CACNB2: variants seen among roughly 807,000 people sequenced by gnomAD.
The protein encoded by CACNB2 is voltage-dependent L-type calcium channel subunit beta-2.
In CACNB2, 42 loss-of-function variants were observed where a neutral mutation model predicts 73.3. The ratio of observed to expected loss-of-function variants is 0.57; its 90% CI spans 0.45 to 0.74. The LOEUF is 0.74. CACNB2 is among the 30% of genes least tolerant of loss of function. The pLI is 0.00. For missense variants in CACNB2, 940 were observed against 853.0 expected (o/e 1.10, Z -1.27); for synonymous variants, 348 against 310.3 (o/e 1.12, Z -1.28).
chr10:18,328,953 A>C (rs148741366), intron 2 of CACNB2, among the ~76,000 whole-genome samples: 1 of 152,270 alleles, frequency 6.6e-6, no homozygotes, highest in Non-Finnish European at 1.5e-5. Context: ...AATAGTTTTG[A>C]CTTTGCAGAC....
chr10:18,153,075 T>C (rs188010111), intron 2 of CACNB2, among the ~76,000 whole-genome samples: 8 of 152,370 alleles, frequency 5.3e-5, no homozygotes, highest in Non-Finnish European at 2.9e-5. Flanking sequence ...AATTTTCTTT[T>C]GTGTTCTTAG....
intron 10 of CACNB2, among the ~76,000 whole-genome samples, chr10:18,528,154 T>G (rs7922550): frequency 0.35 from 53,321 of 152,142 alleles, 9,831 homozygotes; most frequent in East Asian, 0.7. Context: ...TCCAGTTATA[T>G]ATCAATAATG....
intron 2 of CACNB2, among the ~76,000 whole-genome samples, chr10:18,347,344 ATTTT>A (rs201654242): frequency 8.3e-6 from 1 of 120,824 alleles, no homozygotes; most frequent in Admixed American, 8.8e-5. Context: ...TGCCCGTCTA[ATTTT>A]TTTTTTTTTT....
chr10:18,357,395 G>A (rs77473912), intron 2 of CACNB2, among the ~76,000 whole-genome samples: 1,833 of 152,242 alleles, frequency 0.012, 22 homozygotes, highest in South Asian at 0.046. Flanking sequence ...TTATTCTCTG[G>A]TAATGTGTAT....
At chr10:18,351,962 ACT>A (rs1202235845) in intron 2 of CACNB2, among the ~76,000 whole-genome samples, 1 of 152,084 alleles carries the variant, frequency 6.6e-6, no homozygotes, top group Non-Finnish European at 1.5e-5. Context: ...AATGTTCTAC[ACT>A]CCTGCTGCTC....
At chr10:18,514,086 T>C (rs947677973) in intron 6 of CACNB2, 150 bp from the exon 7 acceptor site, 8 of 710,810 alleles carry the variant, frequency 1.1e-5, no homozygotes, top group East Asian at 8.7e-5. Flanking sequence ...TTAATGTGCC[T>C]TACCTTTAAA....
At chr10:18,250,186 A>G (rs902039697) in intron 2 of CACNB2, among the ~76,000 whole-genome samples, 12 of 152,220 alleles carry the variant, frequency 7.9e-5, no homozygotes, top group Non-Finnish European at 1.5e-4. Flanking sequence ...TTTCCTCATT[A>G]GCTCTTGGCA....
chr10:18,455,476 T>C (rs1209807108), intron 3 of CACNB2, among the ~76,000 whole-genome samples: 1 of 151,752 alleles, frequency 6.6e-6, no homozygotes, highest in Non-Finnish European at 1.5e-5. Flanking sequence ...GCTATTGCTG[T>C]TGTTGGAGGT....
rs2042463304 is a variant in CACNB2, at chr10:18,368,903, A to G, written c.214-33021A>G. Among the ~76,000 whole-genome samples the G allele has an allele frequency of 1.3e-5, 2 of 152,338 alleles. 1 individual carries two copies. Among genetic ancestry groups the G allele is most frequent in the South Asian group, 4.1e-4 (2 of 4,832 alleles). ...AGCATGAGTCACTCTATTTAAAAAAAAAGAGAGAGAACCAGTCTGCACGTG... is the reference window on the plus strand; with the variant it reads ...AGCATGAGTCACTCTATTTAAAAAAGAAGAGAGAGAACCAGTCTGCACGTG... On this transcript the variant is annotated intron_variant, in intron 2 of 13. Transcript: ENST00000324631.
At chr10:18,532,733 A>C (rs11014696) in intron 10 of CACNB2, among the ~76,000 whole-genome samples, 7,054 of 151,100 alleles carry the variant, frequency 0.047, 261 homozygotes, top group Non-Finnish European at 0.076. Flanking sequence ...AAAACAAAAA[A>C]ACCCACATAT....
intron 2 of CACNB2, among the ~76,000 whole-genome samples, chr10:18,199,692 G>T (rs748139614): frequency 6.6e-6 from 1 of 152,114 alleles, no homozygotes; most frequent in African/African-American, 2.4e-5. Context: ...TTTGATTAGG[G>T]TAATCATCTG....
chr10:18,418,845 T>C (rs1004031159), intron 3 of CACNB2, among the ~76,000 whole-genome samples: 1 of 152,200 alleles, frequency 6.6e-6, no homozygotes, highest in Non-Finnish European at 1.5e-5. Flanking sequence ...CAACAGGAAG[T>C]AGGCAAAAAT....
chr10:18,311,377 G>A (rs1425792742), intron 2 of CACNB2, among the ~76,000 whole-genome samples: 1 of 152,098 alleles, frequency 6.6e-6, no homozygotes, highest in African/African-American at 2.4e-5. Flanking sequence ...TAGATAGGTA[G>A]GAGTATAGAC....
intron 2 of CACNB2, among the ~76,000 whole-genome samples, chr10:18,169,528 A>C (rs760593711): frequency 5.9e-5 from 9 of 152,212 alleles, no homozygotes; most frequent in African/African-American, 1.9e-4. Flanking sequence ...GTACGGGAAA[A>C]ATATTGCTCT....
In CACNB2 at chr10:18,542,880, GTTTTTTTTTT is replaced by G. The variant is rs60917790; in HGVS notation, c.*3167_*3176del. ...GAAAATGCTGGAAATGTATTTAATA[GTTTTTTTTTT>G]TTTTTTTTTTGGTCATATCCATTTC... On this transcript the variant is annotated 3_prime_UTR_variant, in exon 14 of 14. Coordinates refer to ENST00000324631, the MANE Select transcript of CACNB2 (RefSeq NM_201596.3). 1 of 123,822 alleles carries G rather than the reference GTTTTTTTTTT, an allele frequency of 8.1e-6. No individual in the cohort carries two copies. The highest frequency in any genetic ancestry group is 3.0e-5 in the African/African-American group (1 of 32,954). The allele number at this position is 123,822 out of a possible 1,614,324, so 7.7% of individuals were successfully genotyped here.
At chr10:18,295,873 T>A (rs1237930681) in intron 2 of CACNB2, among the ~76,000 whole-genome samples, 1 of 152,134 alleles carries the variant, frequency 6.6e-6, no homozygotes, top group Non-Finnish European at 1.5e-5. Context: ...ATTGACTCAT[T>A]TTTGAAGGGG....
At chr10:18,338,774 C>T (rs1471625341) in intron 2 of CACNB2, among the ~76,000 whole-genome samples, 4 of 124,196 alleles carry the variant, frequency 3.2e-5, no homozygotes, top group African/African-American at 9.6e-5. Context: ...AGGGTCTTGG[C>T]TCCACCCAGG....
At chr10:18,483,235 A>G (rs533096815) in intron 3 of CACNB2, among the ~76,000 whole-genome samples, 1 of 152,206 alleles carries the variant, frequency 6.6e-6, no homozygotes, top group South Asian at 2.1e-4. Flanking sequence ...CGTTTAAAAA[A>G]AAAAAACAGA....
chr10:18,294,058 A>G (rs1342979139), intron 2 of CACNB2, among the ~76,000 whole-genome samples: 1 of 152,236 alleles, frequency 6.6e-6, no homozygotes, highest in Non-Finnish European at 1.5e-5. Context: ...GGAGGAGAAT[A>G]AAATGATTCC....
Sources: allele counts gnomAD v4.1 joint callset (sites outside exome capture counted in the v4.1 genomes callset), GRCh38; gene constraint gnomAD v4.1.1; transcripts MANE v1.5; gene names NCBI Gene and HGNC (gene_info 2026-07-23, HGNC 2026-07-21).